Variants in SEL1L3 observed in about 807,000 individuals in gnomAD.
The protein encoded by SEL1L3 is SEL1L family member 3.
In SEL1L3, 76 loss-of-function variants were observed where a neutral mutation model predicts 142.8. The ratio of observed to expected loss-of-function variants is 0.53; its 90% CI spans 0.44 to 0.64. The LOEUF (loss-of-function observed/expected upper bound fraction) is 0.64. Among genes scored for constraint, SEL1L3 ranks in the 30% least tolerant of loss-of-function variants. The pLI, the probability that SEL1L3 is intolerant of heterozygous loss-of-function variation, is 0.00. For missense variants in SEL1L3, 1,262 were observed against 1,381.7 expected (o/e 0.91, Z 1.37); for synonymous variants, 504 against 519.6 (o/e 0.97, Z 0.41).
chr4:25,782,568 G>A, intron 14 of SEL1L3, 150 bp from the exon 15 acceptor site: 1 of 704,052 alleles, frequency 1.4e-6, no homozygotes, highest in Non-Finnish European at 2.3e-6. Context: ...GAAAAGCTAA[G>A]TGCTAGAAAA....
chr4:25,758,884 G>A (rs546690277), intron 21 of SEL1L3, 57 bp downstream of exon 21: 31 of 1,531,020 alleles, frequency 2.0e-5, no homozygotes, highest in Admixed American at 1.3e-4. Context: ...ACCAAGAAGC[G>A]AACATCATCT....
At chr4:25,747,347 C>T (rs1176592247), downstream of SEL1L3, 1 of 151,790 alleles carries the variant, frequency 6.6e-6, no homozygotes, top group African/African-American at 2.4e-5. Flanking sequence ...TTCTTTTTTC[C>T]CTCCTCAAGG....
downstream of SEL1L3, among the ~76,000 whole-genome samples, chr4:25,745,400 A>C (rs1195798095): frequency 2.0e-5 from 3 of 152,042 alleles, no homozygotes; most frequent in African/African-American, 7.2e-5. Context: ...GTCTCAAAAA[A>C]AAAAAAAAGA....
chr4:25,816,233 T>C (rs1714384253), intron 9 of SEL1L3, among the ~76,000 whole-genome samples: 1 of 151,142 alleles, frequency 6.6e-6, no homozygotes, highest in African/African-American at 2.4e-5. Flanking sequence ...CATATACATA[T>C]ATAGATCAAT....
intron 1 of SEL1L3, among the ~76,000 whole-genome samples, chr4:25,854,058 G>C (rs548570017): frequency 5.3e-5 from 8 of 152,148 alleles, no homozygotes; most frequent in Non-Finnish European, 8.8e-5. Flanking sequence ...ATTTCAACTG[G>C]ATAGTGCTAT....
the SEL1L3 span, among the ~76,000 whole-genome samples, chr4:25,726,228 TA>T: frequency 0.51 from 74,209 of 146,232 alleles, 19,296 homozygotes; most frequent in South Asian, 0.6. Context: ...CATCTTGGGT[TA>T]AAAAAAAAAA....
intron 16 of SEL1L3, chr4:25,777,885 AC>A (rs1490726483): frequency 2.2e-6 from 1 of 455,982 alleles, no homozygotes; most frequent in Non-Finnish European, 4.4e-6. Flanking sequence ...AGGTCGACAA[AC>A]TTTTTCTGTA....
At chr4:25,784,961 G>A (rs1711686376) in intron 13 of SEL1L3, among the ~76,000 whole-genome samples, 2 of 152,328 alleles carry the variant, frequency 1.3e-5, no homozygotes, top group South Asian at 4.1e-4. Context: ...GGACAACTGG[G>A]GAGATGGTGT....
At chr4:25,722,864 T>C in the SEL1L3 span, among the ~76,000 whole-genome samples, 1 of 152,082 alleles carries the variant, frequency 6.6e-6, no homozygotes, top group Non-Finnish European at 1.5e-5. Context: ...ATAATAATAG[T>C]ATGCTTAATC....
At chr4:25,854,708 G>A (rs555729372) in intron 1 of SEL1L3, among the ~76,000 whole-genome samples, 64 of 152,346 alleles carry the variant, frequency 4.2e-4, no homozygotes, top group Middle Eastern at 3.4e-3. Context: ...TATGTGTGTA[G>A]TTGATGGGGC....
chr4:25,818,148 A>T lies in SEL1L3; in HGVS notation c.1554T>A (p.Asp518Glu). The change falls in exon 9 of 24, where the codon GAT becomes GAA. Residue 518 changes from aspartate to glutamate, a missense_variant. By Grantham distance (45) the Asp-to-Glu change is conservative. Coordinates refer to ENST00000399878, the MANE Select transcript of SEL1L3 (RefSeq NM_015187.5). ...PSLFQALLEMDLLTVPRNQNE... is the reference protein window; with the variant it reads ...PSLFQALLEMELLTVPRNQNE... ...CAAAGACTCAATTACCGGTCAGCAG[A>T]TCCATCTCCAGCAATGCCTGGAACA... 1 of 1,611,644 alleles carries T rather than the reference A, an allele frequency of 6.2e-7. No individual in the cohort carries two copies. Among genetic ancestry groups the T allele is most frequent in the Admixed American group, 1.7e-5 (1 of 59,774 alleles).
rs1446675474 is a variant in SEL1L3 at position 25,821,586 on chromosome 4, A to G, written c.1290+410T>C. 2.0e-5 allele frequency among the ~76,000 whole-genome samples: 3 copies of G among 152,250 alleles called. No individual in the cohort carries two copies. In the East Asian group the frequency reaches 5.8e-4, roughly 29 times the overall value. The stretch of plus-strand genomic sequence containing the variant: ...GTGAGCTGAAGGCCTGTGTTTCTGA[A>G]GAGAGCAGCCAATGGAACCAAGATT... On this transcript the variant is annotated intron_variant, in intron 7 of 23. Coordinates refer to ENST00000399878, the MANE Select transcript of SEL1L3 (RefSeq NM_015187.5).
At chr4:25,736,773 A>T in the SEL1L3 span, among the ~76,000 whole-genome samples, 2 of 151,684 alleles carry the variant, frequency 1.3e-5, 1 homozygote, top group Non-Finnish European at 2.9e-5. Context: ...AGGTTTGTCT[A>T]TTTCTTCTCA....
At chr4:25,760,385 T>A (rs779188423) in intron 20 of SEL1L3, among the ~76,000 whole-genome samples, 1 of 152,216 alleles carries the variant, frequency 6.6e-6, no homozygotes, top group Non-Finnish European at 1.5e-5. Context: ...TGAACATACA[T>A]GTGCATGTGT....
intron 12 of SEL1L3, 105 bp downstream of exon 12, chr4:25,790,350 C>G: frequency 9.2e-7 from 1 of 1,089,532 alleles, no homozygotes; most frequent in South Asian, 1.3e-5. Context: ...GAGAAATAAA[C>G]TGGCATTATT....
intron 9 of SEL1L3, among the ~76,000 whole-genome samples, chr4:25,808,929 A>C (rs59302460): frequency 1.2e-4 from 8 of 66,350 alleles, no homozygotes; most frequent in East Asian, 1.2e-3. Flanking sequence ...AAAAATTAGC[A>C]GGGTGTGGTG....
the SEL1L3 span, among the ~76,000 whole-genome samples, chr4:25,717,424 G>A: frequency 1.3e-5 from 2 of 152,138 alleles, no homozygotes; most frequent in Admixed American, 1.3e-4. Context: ...CCTGCACTTT[G>A]GAAGGCTGAG....
the SEL1L3 span, among the ~76,000 whole-genome samples, chr4:25,717,384 T>C: frequency 6.6e-6 from 1 of 152,050 alleles, no homozygotes; most frequent in South Asian, 2.1e-4. Context: ...CCAATGATTG[T>C]GCAGGGCACA....
rs143736067 is a variant in SEL1L3, at chr4:25,831,269, TC to T, written c.1099-1114del. On this transcript the variant is annotated intron_variant, in intron 5 of 23. Coordinates refer to ENST00000399878, the MANE Select transcript of SEL1L3 (RefSeq NM_015187.5). The stretch of plus-strand genomic sequence containing the variant: ...GCATTCTACTCCTAAATACGTATTT[TC>T]CCTTCTATTAGCTTTCTATAGTCCA... 1.4e-3 allele frequency among the ~76,000 whole-genome samples: 215 copies of T among 152,024 alleles called. 1 individual carries two copies. Among genetic ancestry groups the T allele is most frequent in the Non-Finnish European group, 2.7e-3 (183 of 67,952 alleles).
Sources: allele counts gnomAD v4.1 joint callset (sites outside exome capture counted in the v4.1 genomes callset), GRCh38; gene constraint gnomAD v4.1.1; transcripts MANE v1.5; gene names NCBI Gene and HGNC (gene_info 2026-07-23, HGNC 2026-07-21).